Variants in OPCML observed in about 807,000 individuals in gnomAD.
The protein encoded by OPCML is opioid binding protein/cell adhesion molecule like.
In OPCML, 13 loss-of-function variants were observed where a neutral mutation model predicts 37.8. That is an observed-to-expected ratio of 0.34 (90% confidence interval 0.22 to 0.55). OPCML has a LOEUF of 0.55. OPCML is among the 20% of genes least tolerant of loss of function. The pLI is 0.91. For missense variants in OPCML, 341 were observed against 435.6 expected (o/e 0.78, Z 1.93); for synonymous variants, 176 against 168.8 (o/e 1.04, Z -0.33).
intron 2 of OPCML, among the ~76,000 whole-genome samples, chr11:132,799,129 T>A (rs149306813): frequency 2.1e-3 from 324 of 152,348 alleles, no homozygotes; most frequent in Non-Finnish European, 2.0e-3. Flanking sequence ...CTTTGAAGTT[T>A]TGAAGCCAGG....
At chr11:132,595,120 G>A (rs1462457919) in intron 3 of OPCML, among the ~76,000 whole-genome samples, 15 of 152,076 alleles carry the variant, frequency 9.9e-5, no homozygotes, top group Admixed American at 9.2e-4. Flanking sequence ...TGTTTTTGCT[G>A]GTGATGATGG....
intron 1 of OPCML, among the ~76,000 whole-genome samples, chr11:133,351,890 T>A (rs540582254): frequency 6.6e-6 from 1 of 152,188 alleles, no homozygotes. Flanking sequence ...GCCAGCTGAT[T>A]GGGCCTAAAG....
chr11:133,173,914 C>T lies in OPCML; in HGVS notation c.62-230904G>A, dbSNP rs1432461799. 1.3e-5 allele frequency among the ~76,000 whole-genome samples: 2 copies of T among 152,166 alleles called. No individual in the cohort carries two copies. The highest frequency in any genetic ancestry group is 1.5e-5 in the Non-Finnish European group (1 of 68,034). ...GGAATGAAGATTGGACCGGGGCCGG[C>T]CGGCACTGGAGCAGCCCTCTCCCTC... On this transcript the variant is annotated intron_variant, in intron 1 of 7. Coordinates refer to ENST00000524381, the MANE Select transcript of OPCML (RefSeq NM_001012393.5). The surrounding 1 kb of genome is among the most constrained non-coding windows in gnomAD (Gnocchi z 7.8).
chr11:133,455,400 G>A (rs904095390), intron 1 of OPCML, among the ~76,000 whole-genome samples: 10 of 152,176 alleles, frequency 6.6e-5, no homozygotes, highest in African/African-American at 2.4e-4. Context: ...ACTAGAGGCA[G>A]TTTGGGGGTT....
chr11:133,391,074 GGAA>G (rs1280806359), intron 1 of OPCML, among the ~76,000 whole-genome samples: 7 of 152,308 alleles, frequency 4.6e-5, no homozygotes, highest in East Asian at 1.9e-4. Context: ...ACGACTCAGC[GGAA>G]GAAGAAGTTT....
chr11:133,073,401 C>T (rs550423828), intron 1 of OPCML, among the ~76,000 whole-genome samples: 16 of 152,320 alleles, frequency 1.1e-4, no homozygotes, highest in African/African-American at 3.1e-4. Flanking sequence ...CATGGACCAG[C>T]GGGACTGAAG....
At chr11:133,384,098 C>T (rs1481712386) in intron 1 of OPCML, among the ~76,000 whole-genome samples, 2 of 151,928 alleles carry the variant, frequency 1.3e-5, no homozygotes, top group Admixed American at 6.5e-5. Flanking sequence ...GATACATACG[C>T]CTGTGTTGTC....
chr11:132,806,302 A>G (rs560290593), intron 2 of OPCML, among the ~76,000 whole-genome samples: 3 of 152,304 alleles, frequency 2.0e-5, no homozygotes, highest in South Asian at 2.1e-4. Flanking sequence ...TAAAATGCCA[A>G]TTAAAAGGCA....
At chr11:132,992,788 C>T (rs989535289) in intron 1 of OPCML, among the ~76,000 whole-genome samples, 3 of 152,190 alleles carry the variant, frequency 2.0e-5, no homozygotes, top group Non-Finnish European at 4.4e-5. Flanking sequence ...TGTTGTCTAA[C>T]CCTCCCCTTC....
intron 3 of OPCML, among the ~76,000 whole-genome samples, chr11:132,606,387 C>T (rs1253981981): frequency 2.0e-5 from 3 of 152,190 alleles, no homozygotes; most frequent in African/African-American, 7.2e-5. Flanking sequence ...CTCTGACTTC[C>T]TTGACCTCTG....
At chr11:133,262,643 C>A (rs535896603) in intron 1 of OPCML, among the ~76,000 whole-genome samples, 1 of 152,170 alleles carries the variant, frequency 6.6e-6, no homozygotes, top group Non-Finnish European at 1.5e-5. Flanking sequence ...TCTTTGCCAA[C>A]GCTATGAATA....
intron 1 of OPCML, among the ~76,000 whole-genome samples, chr11:133,137,186 A>C (rs923061936): frequency 6.6e-6 from 1 of 151,760 alleles, no homozygotes; most frequent in Non-Finnish European, 1.5e-5. Context: ...TCTCTTGAAA[A>C]ACTCTTCTAA....
chr11:132,527,402 A>G (rs531505187), intron 4 of OPCML, among the ~76,000 whole-genome samples: 22 of 152,300 alleles, frequency 1.4e-4, no homozygotes, highest in African/African-American at 5.1e-4. Context: ...CGATATTATC[A>G]GCCTTTATAA....
intron 1 of OPCML, among the ~76,000 whole-genome samples, chr11:133,140,244 G>A (rs965279701): frequency 5.1e-4 from 76 of 148,174 alleles, no homozygotes; most frequent in African/African-American, 1.8e-3. Flanking sequence ...GGACGCGGTG[G>A]CTTACGCCTG....
At chr11:133,390,407 G>C (rs1052351361) in intron 1 of OPCML, among the ~76,000 whole-genome samples, 1 of 152,126 alleles carries the variant, frequency 6.6e-6, no homozygotes, top group African/African-American at 2.4e-5. Context: ...AGCTTGCAGC[G>C]AGCCGAGATC....
intron 2 of OPCML, among the ~76,000 whole-genome samples, chr11:132,939,506 A>T (rs879165655): frequency 6.6e-6 from 1 of 152,196 alleles, no homozygotes; most frequent in African/African-American, 2.4e-5. Context: ...CAAACCAGAA[A>T]GAAAATCCAG....
At chr11:132,424,845 G>A (rs551558754) in intron 7 of OPCML, among the ~76,000 whole-genome samples, 2 of 152,302 alleles carry the variant, frequency 1.3e-5, no homozygotes, top group South Asian at 2.1e-4. Flanking sequence ...CCCTTTCTTA[G>A]TGGAGACTAA....
intron 1 of OPCML, chr11:133,003,974 T>C (rs1302919650): frequency 6.1e-6 from 6 of 985,268 alleles, no homozygotes; most frequent in Non-Finnish European, 7.2e-6. Flanking sequence ...AGCAGATCCC[T>C]CGAGAAGTCC....
At chr11:132,972,836 C>G (rs950127154) in intron 1 of OPCML, among the ~76,000 whole-genome samples, 1 of 152,142 alleles carries the variant, frequency 6.6e-6, no homozygotes, top group Non-Finnish European at 1.5e-5. Context: ...GCTTGAGGCC[C>G]TGAGAGGCTG....
Sources: gnomAD v4.1 joint callset for allele counts (sites outside exome capture counted in the v4.1 genomes callset) on GRCh38, gnomAD v4.1.1 for gene constraint, Gnocchi (gnomAD v3.1) non-coding constraint, MANE v1.5 for transcripts, NCBI Gene and HGNC (gene_info 2026-07-23, HGNC 2026-07-21) for gene names.